MGMT: variants seen among roughly 807,000 people sequenced by gnomAD.
MGMT encodes O-6-methylguanine-DNA methyltransferase.
MGMT carries 14 observed loss-of-function variants against 15.9 expected under a neutral mutation model. That is an observed-to-expected ratio of 0.88 (90% CI 0.58 to 1.37). MGMT has a LOEUF of 1.37. Among genes scored for constraint, MGMT ranks in the 40% most tolerant of loss-of-function variants. The pLI, the probability that MGMT is intolerant of heterozygous loss-of-function variation, is 0.00. For synonymous variants in MGMT, 130 were observed against 118.2 expected, an observed-to-expected ratio of 1.10 and a Z score of -0.65; for missense variants, 282 against 268.1, an observed-to-expected ratio of 1.05 and a Z score of -0.36.
At chr10:129,581,817 C>G (rs377381528) in intron 2 of MGMT, among the ~76,000 whole-genome samples, 128 of 152,334 alleles carry the variant, frequency 8.4e-4, no homozygotes, top group African/African-American at 2.9e-3. Flanking sequence ...CTCCTGGAGA[C>G]AAAACCATTT....
intron 3 of MGMT, among the ~76,000 whole-genome samples, chr10:129,741,101 C>T (rs1196543758): frequency 2.0e-5 from 3 of 152,136 alleles, no homozygotes; most frequent in Admixed American, 6.5e-5. Context: ...CTCTGGAATG[C>T]TCTGTTTTGG....
chr10:129,651,210 G>A (rs572717087), intron 2 of MGMT, among the ~76,000 whole-genome samples: 30 of 152,266 alleles, frequency 2.0e-4, no homozygotes, highest in Admixed American at 3.9e-4. Flanking sequence ...CTCCTGCCCC[G>A]TAGCTCAGGT....
chr10:129,662,792 A>G (rs1026412463), intron 2 of MGMT, among the ~76,000 whole-genome samples: 1 of 152,118 alleles, frequency 6.6e-6, no homozygotes, highest in East Asian at 1.9e-4. Context: ...GGATTAGACC[A>G]AGCAGAAATC....
intron 2 of MGMT, among the ~76,000 whole-genome samples, chr10:129,611,678 A>G (rs1846961985): frequency 6.6e-6 from 1 of 152,176 alleles, no homozygotes; most frequent in African/African-American, 2.4e-5. Flanking sequence ...TGGAGAGAGA[A>G]TGACCTGTAG....
At chr10:129,582,033 C>T (rs1354520276) in intron 2 of MGMT, among the ~76,000 whole-genome samples, 1 of 152,162 alleles carries the variant, frequency 6.6e-6, no homozygotes, top group African/African-American at 2.4e-5. Flanking sequence ...CCTCTGTGGG[C>T]GGACTGTCCC....
chr10:129,651,006 T>A (rs372625923), intron 2 of MGMT, among the ~76,000 whole-genome samples: 1 of 152,198 alleles, frequency 6.6e-6, no homozygotes, highest in African/African-American at 2.4e-5. Flanking sequence ...TGCAAGGGGC[T>A]GATCTGAAGA....
intron 3 of MGMT, among the ~76,000 whole-genome samples, chr10:129,719,550 C>T (rs1015240003): frequency 1.3e-5 from 2 of 152,138 alleles, no homozygotes; most frequent in African/African-American, 4.8e-5. Context: ...CCTGCTTGCC[C>T]TGCAGATGGC....
chr10:129,529,147 C>G (rs2027138), intron 1 of MGMT, among the ~76,000 whole-genome samples: 1 of 149,510 alleles, frequency 6.7e-6, no homozygotes, highest in Admixed American at 6.6e-5. Flanking sequence ...GAAGCGAGAG[C>G]GAGGCTGGAG....
In MGMT at chr10:129,532,722, G is replaced by A. The variant is rs947983243; in HGVS notation, c.-12-3519G>A. Among the ~76,000 whole-genome samples, 7 of 152,162 alleles carry A rather than the reference G, an allele frequency of 4.6e-5. No individual in the cohort carries two copies. The highest frequency in any genetic ancestry group is 1.4e-4 in the African/African-American group (6 of 41,442). Reference sequence around the variant, plus strand: ...CGTGACAGCCCTTCCAGCCCGTCACGGTGTGTAGTGCCCAAAGCCCTGGCC... The same window carrying A: ...CGTGACAGCCCTTCCAGCCCGTCACAGTGTGTAGTGCCCAAAGCCCTGGCC... On this transcript the variant is annotated intron_variant, in intron 1 of 4. Coordinates refer to ENST00000651593, the MANE Select transcript of MGMT (RefSeq NM_002412.5). The surrounding 1 kb of genome is among the most constrained non-coding windows in gnomAD (Gnocchi z 5.3).
At chr10:129,637,034 C>G (rs1847271756) in intron 2 of MGMT, among the ~76,000 whole-genome samples, 1 of 152,188 alleles carries the variant, frequency 6.6e-6, no homozygotes, top group African/African-American at 2.4e-5. Context: ...TTTTGTTTCT[C>G]ACATATTTTA....
intron 3 of MGMT, among the ~76,000 whole-genome samples, chr10:129,739,286 C>T (rs937764780): frequency 6.6e-6 from 1 of 152,174 alleles, no homozygotes; most frequent in Non-Finnish European, 1.5e-5. Flanking sequence ...CAACATACTG[C>T]TGGAAGTTCT....
At chr10:129,722,912 A>G (rs146027420) in intron 3 of MGMT, among the ~76,000 whole-genome samples, 61 of 151,170 alleles carry the variant, frequency 4.0e-4, no homozygotes, top group African/African-American at 1.4e-3. Context: ...AGGCTAAGGC[A>G]TATGAATCAC....
At chr10:129,492,547 T>C (rs904058103) in intron 1 of MGMT, among the ~76,000 whole-genome samples, 9 of 152,202 alleles carry the variant, frequency 5.9e-5, no homozygotes, top group Non-Finnish European at 1.3e-4. Flanking sequence ...GCAAATTGAT[T>C]GCACTTTTGG....
chr10:129,722,425 T>C (rs10829623), intron 3 of MGMT, among the ~76,000 whole-genome samples: 39,758 of 151,992 alleles, frequency 0.26, 5,403 homozygotes, highest in Middle Eastern at 0.42. Context: ...GAAGAGGCGG[T>C]GTTACGGAGA....
At chr10:129,696,202 G>A (rs1158870205) in intron 2 of MGMT, among the ~76,000 whole-genome samples, 1 of 151,248 alleles carries the variant, frequency 6.6e-6, no homozygotes. Context: ...TGTAACGAGT[G>A]GGGCTGCTGG....
At chr10:129,625,745 G>A (rs1010949044) in intron 2 of MGMT, among the ~76,000 whole-genome samples, 2 of 145,580 alleles carry the variant, frequency 1.4e-5, no homozygotes, top group Non-Finnish European at 3.0e-5. Flanking sequence ...GCGTGTGTGT[G>A]CATGCATGTA....
chr10:129,703,590 A>G (rs1163391010), intron 2 of MGMT, among the ~76,000 whole-genome samples: 1 of 152,142 alleles, frequency 6.6e-6, no homozygotes, highest in Non-Finnish European at 1.5e-5. Context: ...CTCGCCAACC[A>G]ATCCCACATC....
At chr10:129,719,634 C>T (rs947407808) in intron 3 of MGMT, among the ~76,000 whole-genome samples, 1 of 152,138 alleles carries the variant, frequency 6.6e-6, no homozygotes, top group Non-Finnish European at 1.5e-5. Context: ...CATAATCTCC[C>T]CTTCTTAGAA....
intron 1 of MGMT, among the ~76,000 whole-genome samples, chr10:129,525,188 A>T (rs1317281531): frequency 2.0e-5 from 3 of 152,154 alleles, no homozygotes; most frequent in Non-Finnish European, 4.4e-5. Context: ...GATTGCACAG[A>T]TTCAAAGCAG....
Sources: gnomAD v4.1 joint callset for allele counts (sites outside exome capture counted in the v4.1 genomes callset) on GRCh38, gnomAD v4.1.1 for gene constraint, Gnocchi (gnomAD v3.1) non-coding constraint, MANE v1.5 for transcripts, NCBI Gene and HGNC (gene_info 2026-07-23, HGNC 2026-07-21) for gene names.